TRMT11: variants seen among roughly 807,000 people sequenced by gnomAD.
TRMT11 encodes tRNA methyltransferase 11.
Under a neutral mutation model 62.8 loss-of-function variants are expected in TRMT11, and 53 were observed. That is an observed-to-expected ratio of 0.84 (90% CI 0.68 to 1.06). The LOEUF (loss-of-function observed/expected upper bound fraction) is 1.06. Among genes scored for constraint, TRMT11 ranks in the 50% least tolerant of loss-of-function variants. The pLI, the probability that TRMT11 is intolerant of heterozygous loss-of-function variation, is 0.00. For missense variants in TRMT11, 556 were observed against 553.4 expected (o/e 1.00, Z -0.05); for synonymous variants, 188 against 190.3 (o/e 0.99, Z 0.10).
chr6:126,050,737 T>A (rs189263199), intron 16 of TRMT11, among the ~76,000 whole-genome samples: 151 of 150,996 alleles, frequency 1.0e-3, no homozygotes, highest in African/African-American at 3.6e-3. Flanking sequence ...GAGTGTAGGA[T>A]GTGTTTGAGA....
chr6:126,256,955 G>A, the TRMT11 span, among the ~76,000 whole-genome samples: 2 of 151,860 alleles, frequency 1.3e-5, no homozygotes, highest in African/African-American at 2.4e-5. Flanking sequence ...GTGCAATCTC[G>A]GTTCACTGCA....
intron 8 of TRMT11, chr6:126,008,875 G>A: frequency 2.9e-6 from 1 of 339,612 alleles, no homozygotes; most frequent in Non-Finnish European, 5.8e-6. Context: ...GTTTTATATG[G>A]CATTATTTTA....
At chr6:126,206,952 T>C (rs2128255252), downstream of TRMT11, among the ~76,000 whole-genome samples, 1 of 152,374 alleles carries the variant, frequency 6.6e-6, no homozygotes, top group African/African-American at 2.4e-5. Flanking sequence ...TTTCTATTTC[T>C]TTTTGGCAGA....
At chr6:126,259,783 T>G in the TRMT11 span, among the ~76,000 whole-genome samples, 212 of 152,340 alleles carry the variant, frequency 1.4e-3, no homozygotes, top group African/African-American at 4.9e-3. Flanking sequence ...ATAATTGTTA[T>G]ATCATCTTGT....
At chr6:126,002,254 C>T (rs906707219) in intron 7 of TRMT11, among the ~76,000 whole-genome samples, 8 of 152,114 alleles carry the variant, frequency 5.3e-5, no homozygotes, top group Admixed American at 3.9e-4. Flanking sequence ...ATATACTGTG[C>T]GTATGCACAT....
At chr6:126,239,275 G>A in the TRMT11 span, among the ~76,000 whole-genome samples, 17 of 152,176 alleles carry the variant, frequency 1.1e-4, no homozygotes, top group Middle Eastern at 3.4e-3. Flanking sequence ...TATTTTGCTC[G>A]TTAGTTGATG....
intron 17 of TRMT11, among the ~76,000 whole-genome samples, chr6:126,071,342 G>A (rs1776847790): frequency 6.6e-6 from 1 of 151,912 alleles, no homozygotes; most frequent in African/African-American, 2.4e-5. Flanking sequence ...TTCATGTCCT[G>A]GCTTGAATTC....
chr6:126,187,122 A>C (rs1298099949), intron 1 of TRMT11, among the ~76,000 whole-genome samples: 2 of 152,048 alleles, frequency 1.3e-5, no homozygotes, highest in Non-Finnish European at 2.9e-5. Flanking sequence ...TAGCCAGTAC[A>C]ATAAGGAGAA....
the TRMT11 span, among the ~76,000 whole-genome samples, chr6:126,214,141 A>G: frequency 6.7e-6 from 1 of 149,078 alleles, no homozygotes; most frequent in Admixed American, 6.6e-5. Flanking sequence ...TCTGTTTCCT[A>G]GTATTTTGTT....
At position 125,998,319 on chromosome 6, in the gene TRMT11, A is replaced by C. The variant is rs1464501773; in HGVS notation, c.387+4A>C. The C allele has an allele frequency of 1.3e-6, 2 of 1,571,932 alleles. No individual in the cohort carries two copies. The highest frequency in any genetic ancestry group is 2.3e-5 in the South Asian group (2 of 87,560). ...AGAGAAAATCAAGCGAATAGATGTA[A>C]GTAAATTTAGCAAAACAAAAAACCT... On this transcript the variant is annotated splice_donor_region_variant and intron_variant, in intron 5 of 12. Transcript: ENST00000334379.
intron 7 of TRMT11, among the ~76,000 whole-genome samples, chr6:126,004,934 CT>C (rs1793126377): frequency 6.6e-6 from 1 of 152,038 alleles, no homozygotes; most frequent in Admixed American, 6.6e-5. Flanking sequence ...CAGAAACACA[CT>C]TTTCTTTCAA....
At chr6:126,197,620 A>G (rs1217083680) in intron 1 of TRMT11, among the ~76,000 whole-genome samples, 1 of 152,176 alleles carries the variant, frequency 6.6e-6, no homozygotes, top group Non-Finnish European at 1.5e-5. Flanking sequence ...TTCACTACGT[A>G]TTATACATTA....
intron 17 of TRMT11, among the ~76,000 whole-genome samples, chr6:126,076,634 C>T (rs1211117512): frequency 6.6e-6 from 1 of 152,180 alleles, no homozygotes; most frequent in African/African-American, 2.4e-5. Flanking sequence ...TGTCTCTAAA[C>T]TCGAATAACT....
At chr6:126,184,897 G>A (rs959036334) in intron 1 of TRMT11, among the ~76,000 whole-genome samples, 8 of 152,150 alleles carry the variant, frequency 5.3e-5, no homozygotes, top group African/African-American at 1.9e-4. Flanking sequence ...CCAAAAACAC[G>A]AAACAGGGAC....
chr6:126,263,791 T>C, the TRMT11 span, among the ~76,000 whole-genome samples: 1 of 152,118 alleles, frequency 6.6e-6, no homozygotes, highest in Non-Finnish European at 1.5e-5. Flanking sequence ...TGAAGAAAAA[T>C]TGAGGGAAAC....
intron 21 of TRMT11, among the ~76,000 whole-genome samples, chr6:126,129,646 C>A (rs560259103): frequency 6.6e-6 from 1 of 151,972 alleles, no homozygotes; most frequent in South Asian, 2.1e-4. Context: ...CTTCAGCCTC[C>A]TAAGTAGCTG....
chr6:125,995,867 AAGT>A, intron 2 of TRMT11, 97 bp from the exon 3 acceptor site: 1 of 734,444 alleles, frequency 1.4e-6, no homozygotes, highest in African/African-American at 1.8e-5. Context: ...TCTTACATGA[AAGT>A]AGCAAATAGG....
intron 21 of TRMT11, among the ~76,000 whole-genome samples, chr6:126,161,390 G>A (rs770419199): frequency 2.0e-5 from 3 of 152,074 alleles, no homozygotes; most frequent in East Asian, 1.9e-4. Flanking sequence ...CTTCATCCAC[G>A]TCCCTGCAAA....
chr6:126,093,590 T>TATATATAA (rs1777300124), intron 17 of TRMT11, among the ~76,000 whole-genome samples: 1 of 22,376 alleles, frequency 4.5e-5, no homozygotes, highest in African/African-American at 3.2e-4. Context: ...TGTATGTATA[T>TATATATAA]ATATATATAT....
Sources: allele counts gnomAD v4.1 joint callset (sites outside exome capture counted in the v4.1 genomes callset), GRCh38; gene constraint gnomAD v4.1.1; transcripts MANE v1.5; gene names NCBI Gene and HGNC (gene_info 2026-07-23, HGNC 2026-07-21).